The following EPHX2 variants were observed in gnomAD, a reference collection of about 807,000 sequenced individuals.
EPHX2 encodes epoxide hydrolase 2, also known as bifunctional epoxide hydrolase 2.
In EPHX2, 74 loss-of-function variants were observed where a neutral mutation model predicts 78.7. The observed-to-expected ratio is 0.94, with a 90% CI of 0.78 to 1.14. The LOEUF (loss-of-function observed/expected upper bound fraction) is 1.14. Ranked by LOEUF, EPHX2 falls within the 50% of genes most tolerant of loss-of-function variation. The probability of loss-of-function intolerance (pLI) is 0.00; values close to 1 mark genes in which losing one functional copy is unlikely to be tolerated. For synonymous variants in EPHX2, 251 were observed against 255.2 expected, an observed-to-expected ratio of 0.98 and a Z score of 0.16; for missense variants, 715 against 702.5, an observed-to-expected ratio of 1.02 and a Z score of -0.20.
intron 12 of EPHX2, among the ~76,000 whole-genome samples, chr8:27,531,829 G>A (rs1815051286): frequency 6.6e-6 from 1 of 152,134 alleles, no homozygotes; most frequent in Non-Finnish European, 1.5e-5. Context: ...GAAACTCCTG[G>A]GATGGTGGAG....
At chr8:27,529,077 C>T (rs1814944767) in intron 12 of EPHX2, among the ~76,000 whole-genome samples, 3 of 152,196 alleles carry the variant, frequency 2.0e-5, no homozygotes, top group Admixed American at 6.5e-5. Context: ...TGAGCCACTG[C>T]GCCCAGCCCC....
chr8:27,512,005 T>A (rs1468205581), intron 6 of EPHX2, 95 bp downstream of exon 6: 26 of 1,251,690 alleles, frequency 2.1e-5, no homozygotes, highest in Non-Finnish European at 2.8e-5. Flanking sequence ...GCTGTGAGGA[T>A]CACCTGAACC....
At chr8:27,530,513 A>G (rs1014496412) in intron 12 of EPHX2, among the ~76,000 whole-genome samples, 1 of 152,196 alleles carries the variant, frequency 6.6e-6, no homozygotes, top group Non-Finnish European at 1.5e-5. Context: ...TTTTCATATA[A>G]ATGGAATCAT....
At chr8:27,499,258 A>G (rs532237430) in intron 1 of EPHX2, among the ~76,000 whole-genome samples, 2 of 152,290 alleles carry the variant, frequency 1.3e-5, no homozygotes, top group East Asian at 1.9e-4. Flanking sequence ...TAATGCCACA[A>G]TGGGGATTAA....
intron 4 of EPHX2, among the ~76,000 whole-genome samples, chr8:27,506,236 A>G (rs935466179): frequency 6.6e-6 from 1 of 152,154 alleles, no homozygotes; most frequent in Non-Finnish European, 1.5e-5. Context: ...CAATCCTTCC[A>G]GTCTCCCAAA....
chr8:27,531,949 A>G (rs959995259), intron 12 of EPHX2, among the ~76,000 whole-genome samples: 3 of 152,116 alleles, frequency 2.0e-5, no homozygotes, highest in African/African-American at 7.2e-5. Context: ...CGCCCCTACC[A>G]GCGCTGAGTG....
At chr8:27,506,201 C>G (rs1814000086) in intron 4 of EPHX2, among the ~76,000 whole-genome samples, 1 of 152,166 alleles carries the variant, frequency 6.6e-6, no homozygotes, top group Admixed American at 6.5e-5. Context: ...ATTGTTCATG[C>G]TAATCTTGAA....
chr8:27,527,937 G>A (rs1217760713), intron 12 of EPHX2, among the ~76,000 whole-genome samples: 3 of 152,138 alleles, frequency 2.0e-5, no homozygotes, highest in African/African-American at 7.2e-5. Flanking sequence ...CCCAAGACCA[G>A]GTACATGATT....
chr8:27,531,722 A>G (rs938349037), intron 12 of EPHX2, among the ~76,000 whole-genome samples: 16 of 152,144 alleles, frequency 1.1e-4, no homozygotes, highest in Non-Finnish European at 1.8e-4. Context: ...AGCTGCCTCC[A>G]TTGTCTCACC....
At chr8:27,508,346 C>T (rs959125606) in intron 5 of EPHX2, among the ~76,000 whole-genome samples, 3 of 152,122 alleles carry the variant, frequency 2.0e-5, no homozygotes, top group Non-Finnish European at 4.4e-5. Flanking sequence ...AAGACTTTAA[C>T]GTGAATTTTG....
downstream of EPHX2, among the ~76,000 whole-genome samples, chr8:27,547,432 T>G (rs1815592734): frequency 6.6e-6 from 1 of 152,224 alleles, no homozygotes; most frequent in African/African-American, 2.4e-5. Context: ...GGGATTGAAT[T>G]TAATTTGTAA....
At chr8:27,503,069 C>G (rs376227788) in intron 2 of EPHX2, among the ~76,000 whole-genome samples, 1 of 152,092 alleles carries the variant, frequency 6.6e-6, no homozygotes, top group East Asian at 1.9e-4. Context: ...GGGTGGAACC[C>G]TCAGGAGTGA....
intron 18 of EPHX2, 60 bp downstream of exon 18, chr8:27,544,304 A>G: frequency 1.2e-6 from 2 of 1,605,310 alleles, no homozygotes; most frequent in East Asian, 2.2e-5. Flanking sequence ...CACCTTCCAT[A>G]AAAGCTTTCC....
intron 15 of EPHX2, among the ~76,000 whole-genome samples, chr8:27,541,091 C>T (rs1815384194): frequency 6.6e-6 from 1 of 152,192 alleles, no homozygotes; most frequent in South Asian, 2.1e-4. Flanking sequence ...CAAGTGGGCT[C>T]CCTGGGGCAG....
chr8:27,524,165 T>C (rs1384312090), intron 11 of EPHX2, among the ~76,000 whole-genome samples: 8 of 152,166 alleles, frequency 5.3e-5, no homozygotes, highest in Admixed American at 2.0e-4. Flanking sequence ...ACTCCTGGCC[T>C]CAAGTGATCC....
intron 1 of EPHX2, among the ~76,000 whole-genome samples, chr8:27,498,505 T>C (rs1377585663): frequency 6.6e-6 from 1 of 152,196 alleles, no homozygotes; most frequent in African/African-American, 2.4e-5. Context: ...TTCCTCTTCT[T>C]TTATCATCTC....
At position 27,525,393 on chromosome 8, in the gene EPHX2, C is replaced by A. The variant is rs766591566; in HGVS notation, c.1090C>A (p.Pro364Thr). Residue 364 changes from proline to threonine, a missense_variant, in exon 12 of 19, where the codon CCA becomes ACA. Pro to Thr is a conservative substitution (Grantham distance 38, BLOSUM62 -1). Coordinates refer to ENST00000521400, the MANE Select transcript of EPHX2 (RefSeq NM_001979.6). ...GGCCAGTTTGAATACTCCCTTCATA[C>A]CAGCAAATCCCAACATGTCCCCTTT... is the stretch of plus-strand genomic sequence containing the variant. ...AVASLNTPFIPANPNMSPLES... is the reference protein window; with the variant it reads ...AVASLNTPFITANPNMSPLES... 6 of 1,614,142 alleles carry A rather than the reference C, an allele frequency of 3.7e-6. No individual in the cohort carries two copies. Among genetic ancestry groups the A allele is most frequent in the Non-Finnish European group, 5.1e-6 (6 of 1,180,036 alleles).
At chr8:27,519,259 C>T (rs745895607) in intron 9 of EPHX2, among the ~76,000 whole-genome samples, 4 of 152,216 alleles carry the variant, frequency 2.6e-5, no homozygotes, top group Non-Finnish European at 5.9e-5. Context: ...GTGGGCCATC[C>T]CTGCAGTGGG....
chr8:27,541,180 G>A (rs1041241485), intron 15 of EPHX2, among the ~76,000 whole-genome samples: 29 of 152,152 alleles, frequency 1.9e-4, no homozygotes, highest in African/African-American at 6.3e-4. Context: ...AAGGTGACAC[G>A]ATGACATTCC....
Sources: gnomAD v4.1 joint callset for allele counts (sites outside exome capture counted in the v4.1 genomes callset) on GRCh38, gnomAD v4.1.1 for gene constraint, MANE v1.5 for transcripts, NCBI Gene and HGNC (gene_info 2026-07-23, HGNC 2026-07-21) for gene names.